The following HYAL4 variants were observed in gnomAD, a reference collection of about 807,000 sequenced individuals.
HYAL4 encodes hyaluronidase 4, also known as hyaluronidase-4.
In HYAL4, 37 loss-of-function variants were observed where a neutral mutation model predicts 35.2. The ratio of observed to expected loss-of-function variants is 1.05; its 90% CI spans 0.81 to 1.38. The LOEUF (loss-of-function observed/expected upper bound fraction) is 1.38, where lower values mean the gene tolerates loss of function less well. Among genes scored for constraint, HYAL4 ranks in the 40% most tolerant of loss-of-function variants. The pLI, the probability that HYAL4 is intolerant of heterozygous loss-of-function variation, is 0.00. For synonymous variants in HYAL4, 198 were observed against 203.2 expected (o/e 0.97, Z 0.22); for missense variants, 572 against 572.4 (o/e 1.00, Z 0.01).
At chr7:123,869,268 A>G (rs1806801459) in intron 3 of HYAL4, 41 bp downstream of exon 3, 3 of 1,288,542 alleles carry the variant, frequency 2.3e-6, no homozygotes, top group Non-Finnish European at 3.2e-6. Context: ...TTTCCTCCTT[A>G]TCTCTAAAAG....
chr7:123,850,326 T>G (rs2116927922), intron 2 of HYAL4, among the ~76,000 whole-genome samples: 2 of 152,244 alleles, frequency 1.3e-5, no homozygotes, highest in East Asian at 3.9e-4. Context: ...ACTGCAGCCT[T>G]GAACTCCTGG....
At chr7:123,841,915 C>T (rs745560349), upstream of HYAL4, among the ~76,000 whole-genome samples, 14 of 151,814 alleles carry the variant, frequency 9.2e-5, no homozygotes, top group African/African-American at 1.5e-4. Flanking sequence ...AGCAGTCTAT[C>T]GATTTTGTTG....
chr7:123,855,806 T>C (rs1252311999), intron 2 of HYAL4, among the ~76,000 whole-genome samples: 1 of 152,158 alleles, frequency 6.6e-6, no homozygotes, highest in Non-Finnish European at 1.5e-5. Flanking sequence ...CCAGCTTGGT[T>C]CCCTTCTCCC....
chr7:123,792,062 A>G, the HYAL4 span, among the ~76,000 whole-genome samples: 2 of 152,206 alleles, frequency 1.3e-5, no homozygotes, highest in Non-Finnish European at 2.9e-5. Flanking sequence ...AATGAGCCCT[A>G]TGAACTCTCA....
chr7:123,820,198 A>C, the HYAL4 span, among the ~76,000 whole-genome samples: 1 of 152,062 alleles, frequency 6.6e-6, no homozygotes, highest in South Asian at 2.1e-4. Context: ...TGGCCCAAAA[A>C]TGATTCTTTA....
chr7:123,833,319 C>T (rs752275656), intron 1 of HYAL4, among the ~76,000 whole-genome samples: 4 of 152,178 alleles, frequency 2.6e-5, no homozygotes, highest in Non-Finnish European at 5.9e-5. Flanking sequence ...ATTTGCATTT[C>T]CCTCATCATT....
At chr7:123,791,027 A>G in the HYAL4 span, among the ~76,000 whole-genome samples, 1 of 152,032 alleles carries the variant, frequency 6.6e-6, no homozygotes, top group Non-Finnish European at 1.5e-5. Flanking sequence ...GGCCTCCCAA[A>G]TTGCTGGGAT....
At chr7:123,817,970 T>C in the HYAL4 span, among the ~76,000 whole-genome samples, 1 of 152,084 alleles carries the variant, frequency 6.6e-6, no homozygotes, top group South Asian at 2.1e-4. Context: ...CTCCGCCTCC[T>C]GAATTCAAGA....
At chr7:123,837,700 C>T (rs930736636) in intron 1 of HYAL4, among the ~76,000 whole-genome samples, 26 of 133,074 alleles carry the variant, frequency 2.0e-4, no homozygotes, top group Middle Eastern at 7.8e-3. Flanking sequence ...CAACAGGCCC[C>T]GGTGTGTGAT....
chr7:123,778,912 C>T, the HYAL4 span, among the ~76,000 whole-genome samples: 1 of 152,016 alleles, frequency 6.6e-6, no homozygotes, highest in Non-Finnish European at 1.5e-5. Context: ...TATATTGCAA[C>T]AGTTTAAATG....
At chr7:123,815,375 A>G in the HYAL4 span, among the ~76,000 whole-genome samples, 19,669 of 152,244 alleles carry the variant, frequency 0.13, 1,345 homozygotes, top group Non-Finnish European at 0.14. Flanking sequence ...TGAAAAGGTA[A>G]CAGCAATTTT....
chr7:123,823,951 G>A, the HYAL4 span, among the ~76,000 whole-genome samples: 16 of 151,840 alleles, frequency 1.1e-4, no homozygotes, highest in Admixed American at 9.9e-4. Context: ...TCACTTCCAG[G>A]CATTAACAAA....
At chr7:123,843,777 T>G (rs1806116709), upstream of HYAL4, among the ~76,000 whole-genome samples, 1 of 151,976 alleles carries the variant, frequency 6.6e-6, no homozygotes, top group Admixed American at 6.6e-5. Flanking sequence ...TTTCTTCCGC[T>G]TGATCGAATT....
intron 1 of HYAL4, among the ~76,000 whole-genome samples, chr7:123,847,514 A>G (rs1014328252): frequency 6.6e-6 from 1 of 152,172 alleles, no homozygotes; most frequent in Admixed American, 6.5e-5. Flanking sequence ...GCGGTGGTTT[A>G]CGCCTGTAAT....
the HYAL4 span, chr7:123,814,729 GA>G: frequency 6.6e-6 from 1 of 152,592 alleles, no homozygotes; most frequent in African/African-American, 2.4e-5. Context: ...CTTTAGAAAT[GA>G]GACCAAAATG....
intron 1 of HYAL4, among the ~76,000 whole-genome samples, chr7:123,835,799 A>C (rs571414624): frequency 6.6e-6 from 1 of 152,242 alleles, no homozygotes; most frequent in Admixed American, 6.5e-5. Flanking sequence ...TCGGTTCAAA[A>C]ATTTTTTAAA....
the HYAL4 span, among the ~76,000 whole-genome samples, chr7:123,773,144 C>T: frequency 6.6e-6 from 1 of 152,142 alleles, no homozygotes; most frequent in Non-Finnish European, 1.5e-5. Context: ...TTCTTATTCG[C>T]ACTTCGTTTT....
chr7:123,830,668 C>G (rs1439162785), intron 1 of HYAL4, among the ~76,000 whole-genome samples: 1 of 152,154 alleles, frequency 6.6e-6, no homozygotes, highest in African/African-American at 2.4e-5. Context: ...ATTTCACAAG[C>G]AGTATGTTAT....
At chr7:123,857,649 C>CTTTGTTTCTTTCTTTG (rs1375539647) in intron 2 of HYAL4, among the ~76,000 whole-genome samples, 1 of 149,830 alleles carries the variant, frequency 6.7e-6, no homozygotes, top group Non-Finnish European at 1.5e-5. Flanking sequence ...AGCTGCCTTT[C>CTTTGTTTCTTTCTTTG]TTTGTTTCTT....
Sources: gnomAD v4.1 joint callset for allele counts (sites outside exome capture counted in the v4.1 genomes callset) on GRCh38, gnomAD v4.1.1 for gene constraint, MANE v1.5 for transcripts, NCBI Gene and HGNC (gene_info 2026-07-23, HGNC 2026-07-21) for gene names.